CRPPA: variants seen among roughly 807,000 people sequenced by gnomAD.
The protein encoded by CRPPA is CDP-L-ribitol pyrophosphorylase A, also known as D-ribitol-5-phosphate cytidylyltransferase.
In CRPPA, 43 loss-of-function variants were observed where a neutral mutation model predicts 52.0. The observed-to-expected ratio is 0.83, with a 90% CI of 0.65 to 1.07. CRPPA has a LOEUF of 1.07. Among genes scored for constraint, CRPPA ranks in the 50% least tolerant of loss-of-function variants. The probability of loss-of-function intolerance (pLI) is 0.00; values close to 1 mark genes in which losing one functional copy is unlikely to be tolerated. For missense variants in CRPPA, 629 were observed against 551.7 expected, an observed-to-expected ratio of 1.14 and a Z score of -1.40; for synonymous variants, 250 against 203.5, an observed-to-expected ratio of 1.23 and a Z score of -1.94.
intron 3 of CRPPA, among the ~76,000 whole-genome samples, chr7:16,374,432 T>C (rs1044562747): frequency 6.6e-6 from 1 of 152,160 alleles, no homozygotes; most frequent in African/African-American, 2.4e-5. Flanking sequence ...GACGGCCTAT[T>C]GTGGGACTTC....
chr7:16,308,628 C>G lies in CRPPA; in HGVS notation c.685-1G>C. On this transcript the variant is annotated splice_acceptor_variant, in intron 3 of 9. Transcript: ENST00000407010. LOFTEE classifies it high-confidence loss of function. ...CAAATTCCAAGTCATAGTCACTACA[C>G]TGGTGTGGAAACAACAACAACAACA... The G allele has an allele frequency of 1.3e-6, 2 of 1,558,586 alleles. No individual in the cohort carries two copies. The highest frequency in any genetic ancestry group is 1.8e-6 in the Non-Finnish European group (2 of 1,132,802).
chr7:16,228,079 C>T (rs1407575246), intron 8 of CRPPA, among the ~76,000 whole-genome samples: 1 of 151,706 alleles, frequency 6.6e-6, no homozygotes, highest in African/African-American at 2.4e-5. Flanking sequence ...CATTCTATAA[C>T]GTTCCATTTG....
intron 9 of CRPPA, among the ~76,000 whole-genome samples, chr7:16,209,819 C>A (rs1256101099): frequency 6.6e-6 from 1 of 152,038 alleles, no homozygotes; most frequent in Non-Finnish European, 1.5e-5. Context: ...AAGCATATGG[C>A]CATTTTATAA....
At chr7:16,094,628 T>C (rs75404052) in intron 9 of CRPPA, among the ~76,000 whole-genome samples, 9,292 of 152,144 alleles carry the variant, frequency 0.061, 371 homozygotes, top group East Asian at 0.14. Context: ...TTCCAAATAT[T>C]ATATAATAAA....
chr7:16,338,448 T>C (rs1299139015), intron 3 of CRPPA, among the ~76,000 whole-genome samples: 2 of 151,846 alleles, frequency 1.3e-5, no homozygotes, highest in East Asian at 3.9e-4. Context: ...TGGCAAAGAG[T>C]CAAAAGTGTT....
intron 9 of CRPPA, among the ~76,000 whole-genome samples, chr7:16,201,165 T>C (rs1052075607): frequency 1.3e-5 from 2 of 152,162 alleles, no homozygotes; most frequent in Non-Finnish European, 2.9e-5. Flanking sequence ...AAATATAGCA[T>C]TTGAAATTTC....
At chr7:16,119,145 C>G (rs1782434339) in intron 9 of CRPPA, among the ~76,000 whole-genome samples, 1 of 152,088 alleles carries the variant, frequency 6.6e-6, no homozygotes, top group Non-Finnish European at 1.5e-5. Context: ...CTTGACCGTC[C>G]TAGATTCATC....
intron 9 of CRPPA, among the ~76,000 whole-genome samples, chr7:16,198,928 A>C (rs539044683): frequency 1.3e-5 from 2 of 152,272 alleles, no homozygotes; most frequent in South Asian, 2.1e-4. Context: ...AAATCTCTGC[A>C]CTAGAGGCAA....
At chr7:16,369,084 G>C (rs764734303) in intron 3 of CRPPA, among the ~76,000 whole-genome samples, 1 of 152,128 alleles carries the variant, frequency 6.6e-6, no homozygotes, top group South Asian at 2.1e-4. Context: ...TCCCTGTGTA[G>C]CAGGAAGAGC....
chr7:16,139,071 G>T (rs1055710023), intron 9 of CRPPA, among the ~76,000 whole-genome samples: 1 of 152,024 alleles, frequency 6.6e-6, no homozygotes, highest in African/African-American at 2.4e-5. Flanking sequence ...CAAAGTGCTG[G>T]GATTACAGGT....
chr7:16,345,352 C>T (rs764944856), intron 3 of CRPPA, among the ~76,000 whole-genome samples: 3 of 152,040 alleles, frequency 2.0e-5, no homozygotes, highest in East Asian at 1.9e-4. Context: ...AAATACCAAA[C>T]GGAATACTTG....
chr7:16,248,799 C>T (rs554389314), intron 8 of CRPPA, among the ~76,000 whole-genome samples: 1 of 152,202 alleles, frequency 6.6e-6, no homozygotes, highest in African/African-American at 2.4e-5. Context: ...AGGGGATTTC[C>T]CTTTCCTAGC....
chr7:16,151,334 T>C (rs1449260549), intron 9 of CRPPA, among the ~76,000 whole-genome samples: 2 of 152,160 alleles, frequency 1.3e-5, no homozygotes, highest in Non-Finnish European at 2.9e-5. Flanking sequence ...ATCTATTTCT[T>C]AGAAAAAGTA....
chr7:16,246,212 A>T (rs1233460414), intron 8 of CRPPA, among the ~76,000 whole-genome samples: 1 of 152,224 alleles, frequency 6.6e-6, no homozygotes, highest in African/African-American at 2.4e-5. Flanking sequence ...CGTTCACAGT[A>T]TCTTCACCCG....
At chr7:16,196,870 A>G (rs939082324) in intron 9 of CRPPA, among the ~76,000 whole-genome samples, 4 of 152,160 alleles carry the variant, frequency 2.6e-5, no homozygotes, top group African/African-American at 9.7e-5. Context: ...TGCCGTTTCC[A>G]TACTAATGTG....
intron 8 of CRPPA, among the ~76,000 whole-genome samples, chr7:16,246,270 G>A (rs970084000): frequency 6.6e-6 from 1 of 152,094 alleles, no homozygotes; most frequent in Non-Finnish European, 1.5e-5. Flanking sequence ...TCACCCATAA[G>A]AAGCAACTCC....
At chr7:16,130,151 A>G (rs925605224) in intron 9 of CRPPA, among the ~76,000 whole-genome samples, 2 of 152,222 alleles carry the variant, frequency 1.3e-5, no homozygotes, top group African/African-American at 4.8e-5. Context: ...TGTTAAAAAG[A>G]GTACACATTT....
intron 8 of CRPPA, among the ~76,000 whole-genome samples, chr7:16,233,212 G>A (rs541697623): frequency 6.6e-6 from 1 of 152,040 alleles, no homozygotes; most frequent in Non-Finnish European, 1.5e-5. Context: ...TATTTAGTCA[G>A]CCTAATAAAC....
intron 9 of CRPPA, among the ~76,000 whole-genome samples, chr7:16,137,914 C>A (rs937981664): frequency 1.3e-5 from 2 of 152,028 alleles, no homozygotes; most frequent in African/African-American, 4.8e-5. Context: ...TAATTTTATA[C>A]AAAATATGAG....
Sources: allele counts gnomAD v4.1 joint callset (sites outside exome capture counted in the v4.1 genomes callset), GRCh38; gene constraint gnomAD v4.1.1; transcripts MANE v1.5; gene names NCBI Gene and HGNC (gene_info 2026-07-23, HGNC 2026-07-21).